Variants in FBXO9 observed in about 807,000 individuals in gnomAD.
FBXO9 encodes F-box only protein 9.
In FBXO9, 43 loss-of-function variants were observed where a neutral mutation model predicts 63.7. The observed-to-expected ratio is 0.67, with a 90% confidence interval of 0.53 to 0.87. FBXO9 has a LOEUF of 0.87. Among genes scored for constraint, FBXO9 ranks in the 40% least tolerant of loss-of-function variants. The pLI is 0.00. For missense variants in FBXO9, 442 were observed against 533.2 expected (o/e 0.83, Z 1.68); for synonymous variants, 156 against 171.7 (o/e 0.91, Z 0.72).
At chr6:53,071,611 T>C (rs369064248) in intron 2 of FBXO9, among the ~76,000 whole-genome samples, 1 of 152,210 alleles carries the variant, frequency 6.6e-6, no homozygotes, top group Non-Finnish European at 1.5e-5. Context: ...ATAATACAAA[T>C]GGCCATTAAA....
At chr6:53,094,037 A>T in intron 11 of FBXO9, 59 bp downstream of exon 11, 1 of 1,035,452 alleles carries the variant, frequency 9.7e-7, no homozygotes, top group Non-Finnish European at 1.4e-6. Flanking sequence ...TCATCCAAGC[A>T]GTCTCGATTA....
chr6:53,093,913 C>T lies in FBXO9; in HGVS notation c.988C>T (p.Arg330Cys), dbSNP rs377012305. 2.3e-5 allele frequency: 36 copies of T among 1,550,328 alleles called. No homozygotes were observed. The highest frequency in any genetic ancestry group is 2.6e-5 in the Non-Finnish European group (30 of 1,146,926). The change falls in exon 11 of 13, where the codon CGC (arginine) becomes TGC (cysteine). Residue 330 changes from arginine to cysteine, a missense_variant. By Grantham distance (180) the Arg-to-Cys change is radical (BLOSUM62 -3). Transcript: ENST00000323557. ...RTDAILLGHYRLSQDTDNQTK... is the reference protein window; with the variant it reads ...RTDAILLGHYCLSQDTDNQTK... ...TGATGCAATTCTACTGGGTCACTAT[C>T]GCTTGTCACAAGACACAGACAATCA... is the stretch of plus-strand genomic sequence containing the variant.
intron 2 of FBXO9, among the ~76,000 whole-genome samples, chr6:53,072,729 T>A (rs1450047521): frequency 1.3e-5 from 2 of 152,090 alleles, no homozygotes; most frequent in African/African-American, 4.8e-5. Context: ...TTTAATTTTT[T>A]TTTTTTTTGA....
At chr6:53,077,855 A>G (rs962792517) in intron 4 of FBXO9, among the ~76,000 whole-genome samples, 13 of 152,226 alleles carry the variant, frequency 8.5e-5, no homozygotes, top group African/African-American at 2.7e-4. Context: ...ATAATAGAAC[A>G]TGGCAGAATA....
intron 3 of FBXO9, among the ~76,000 whole-genome samples, chr6:53,075,466 G>A (rs1581810915): frequency 1.3e-5 from 2 of 150,306 alleles, no homozygotes; most frequent in South Asian, 4.3e-4. Context: ...GGCTTGTCTC[G>A]AACTCCTGAC....
chr6:53,073,403 T>A, intron 2 of FBXO9, 78 bp from the exon 3 acceptor site: 1 of 1,164,972 alleles, frequency 8.6e-7, no homozygotes, highest in African/African-American at 1.5e-5. Context: ...AGTAGATAGA[T>A]GTTGGACATA....
At chr6:53,077,388 G>A (rs1046162942) in intron 4 of FBXO9, among the ~76,000 whole-genome samples, 8 of 149,616 alleles carry the variant, frequency 5.3e-5, no homozygotes, top group South Asian at 2.1e-4. Flanking sequence ...CAGGAGAATG[G>A]CGTGAACCCG....
intron 11 of FBXO9, among the ~76,000 whole-genome samples, chr6:53,094,389 C>A (rs191480399): frequency 6.6e-6 from 1 of 152,220 alleles, no homozygotes; most frequent in East Asian, 1.9e-4. Context: ...AACCTAACTT[C>A]AGATAATTTT....
intron 1 of FBXO9, among the ~76,000 whole-genome samples, chr6:53,069,870 G>A (rs1465812305): frequency 1.3e-5 from 2 of 151,826 alleles, no homozygotes; most frequent in South Asian, 2.1e-4. Flanking sequence ...TATTGAAGTT[G>A]GGTCATGAGT....
intron 7 of FBXO9, among the ~76,000 whole-genome samples, chr6:53,090,522 A>C (rs1447685388): frequency 6.6e-6 from 1 of 152,252 alleles, no homozygotes; most frequent in Non-Finnish European, 1.5e-5. Context: ...CAAAGAAAGA[A>C]AGAATTGGTT....
chr6:53,081,126 G>T, intron 6 of FBXO9, 28 bp downstream of exon 6: 2 of 1,591,412 alleles, frequency 1.3e-6, no homozygotes, highest in Non-Finnish European at 8.5e-7. Context: ...TCATAACTCA[G>T]TGAGAAATAT....
intron 7 of FBXO9, among the ~76,000 whole-genome samples, chr6:53,088,757 G>A (rs9474384): frequency 0.077 from 11,747 of 151,882 alleles, 1,169 homozygotes; most frequent in African/African-American, 0.23. Context: ...CACCACCACC[G>A]CCTGGCTAAT....
chr6:53,082,511 A>G lies in FBXO9; in HGVS notation c.546A>G (p.Pro182=), dbSNP rs775820685. 2 of 1,611,800 alleles carry G rather than the reference A, an allele frequency of 1.2e-6. No individual in the cohort carries two copies. The highest frequency in any genetic ancestry group is 3.3e-5 in the Admixed American group (2 of 59,708). The change falls in exon 7 of 13, where the codon CCA becomes CCG. Residue 182 remains proline, a synonymous_variant. Coordinates refer to ENST00000323557, the MANE Select transcript of FBXO9 (RefSeq NM_033480.3). ...ESSQIHISVL[P]MEVLMYIFRW... is the part of the protein sequence containing the mutation. ...GATGATTTTCTTTTGCAGTGCTGCC[A>G]ATGGAGGTCCTGATGTACATCTTCC...
intron 1 of FBXO9, 125 bp from the exon 2 acceptor site, chr6:53,070,932 A>G: frequency 6.8e-7 from 1 of 1,468,362 alleles, no homozygotes; most frequent in African/African-American, 1.4e-5. Context: ...TTGCTACTCA[A>G]AGTGGGTTCC....
intron 11 of FBXO9, chr6:53,094,849 T>C (rs1456611495): frequency 8.1e-6 from 3 of 371,116 alleles, no homozygotes; most frequent in South Asian, 5.8e-5. Flanking sequence ...GAGGTCAAAA[T>C]TGGGAATTTG....
intron 5 of FBXO9, among the ~76,000 whole-genome samples, chr6:53,080,206 T>TC (rs1769262680): frequency 6.6e-6 from 1 of 152,104 alleles, no homozygotes; most frequent in African/African-American, 2.4e-5. Flanking sequence ...CCTTTTTTTT[T>TC]CTTTCCTGTA....
chr6:53,065,543 A>T lies in FBXO9; in HGVS notation c.-247A>T. ...GCAACGGGCGTCCCTCCACTCCCCGAGTCCCCGGCAGCCGCCGCCACCCCA... is the reference window on the plus strand; with the variant it reads ...GCAACGGGCGTCCCTCCACTCCCCGTGTCCCCGGCAGCCGCCGCCACCCCA... On this transcript the variant is annotated 5_prime_UTR_variant, in exon 1 of 13. Transcript: ENST00000323557. 1 of 403,724 alleles carries T rather than the reference A, an allele frequency of 2.5e-6. No individual in the cohort carries two copies. Among genetic ancestry groups the T allele is most frequent in the Non-Finnish European group, 4.3e-6 (1 of 230,488 alleles). The allele number at this position is 403,724 out of a possible 1,614,324, so 25.0% of individuals were successfully genotyped here.
At chr6:53,095,807 A>G in intron 12 of FBXO9, 143 bp downstream of exon 12, 1 of 756,954 alleles carries the variant, frequency 1.3e-6, no homozygotes, top group Admixed American at 3.6e-5. Flanking sequence ...AACTACTACA[A>G]ACCAAGAAAA....
chr6:53,092,869 A>C, intron 9 of FBXO9, 45 bp downstream of exon 9: 2 of 1,323,936 alleles, frequency 1.5e-6, no homozygotes, highest in Non-Finnish European at 2.1e-6. Context: ...CTCTCTCTCC[A>C]TGTATTAGTT....
Sources: allele counts gnomAD v4.1 joint callset (sites outside exome capture counted in the v4.1 genomes callset), GRCh38; gene constraint gnomAD v4.1.1; transcripts MANE v1.5; gene names NCBI Gene and HGNC (gene_info 2026-07-23, HGNC 2026-07-21).